The following YTHDC2 variants were observed in gnomAD, a reference collection of about 807,000 sequenced individuals.
The protein encoded by YTHDC2 is YTH N6-methyladenosine RNA binding protein C2.
YTHDC2 carries 45 observed loss-of-function variants against 174.9 expected under a neutral mutation model. That is an observed-to-expected ratio of 0.26 (90% CI 0.20 to 0.33). YTHDC2 has a LOEUF of 0.33. YTHDC2 is among the 10% of genes least tolerant of loss of function. The pLI is 1.00. For missense variants in YTHDC2, 1,650 were observed against 1,723.7 expected (o/e 0.96, Z 0.76); for synonymous variants, 657 against 574.5 (o/e 1.14, Z -2.05).
At chr5:113,522,976 G>T (rs1308587050) in intron 2 of YTHDC2, among the ~76,000 whole-genome samples, 3 of 151,696 alleles carry the variant, frequency 2.0e-5, no homozygotes, top group African/African-American at 4.8e-5. Context: ...TTATTATGAG[G>T]TTTTTTTTAA....
intron 2 of YTHDC2, chr5:113,517,551 G>T: frequency 2.2e-6 from 1 of 456,172 alleles, no homozygotes; most frequent in Middle Eastern, 3.3e-4. Flanking sequence ...TGGGGAATGC[G>T]GAAACATTGA....
At chr5:113,535,610 C>G in intron 6 of YTHDC2, 32 bp from the exon 7 acceptor site, 1 of 1,550,180 alleles carries the variant, frequency 6.5e-7, no homozygotes, top group Non-Finnish European at 8.7e-7. Flanking sequence ...AATGTTTTAA[C>G]TGTTCCATGG....
At chr5:113,535,587 C>T (rs1434277186) in intron 6 of YTHDC2, 55 bp from the exon 7 acceptor site, 3 of 1,461,790 alleles carry the variant, frequency 2.1e-6, no homozygotes, top group Non-Finnish European at 2.7e-6. Context: ...TTTTTAAAGA[C>T]TTAGTCATCA....
At position 113,535,718 on chromosome 5, in the gene YTHDC2, C is replaced by G. The variant is rs1377122887; in HGVS notation, c.1022C>G (p.Thr341Ser). Residue 341 changes from threonine to serine, a missense_variant, in exon 7 of 30, where the codon ACT becomes AGT. Physicochemically the swap from Thr to Ser is moderately conservative, Grantham distance 58 (BLOSUM62 1). This residue lies in a region of YTHDC2 where 411 missense variants were observed against 380.6 expected (regional missense o/e 1.08). Transcript: ENST00000161863. ...KLRDLLQKHP[T>S]LKLILSSAAL... ...AGAGATTTGTTGCAAAAGCACCCAA[C>G]TTTGAAACTAATTCTTTCTAGTGCT... 1.2e-6 allele frequency: 2 copies of G among 1,613,558 alleles called. No homozygotes were observed. The highest frequency in any genetic ancestry group is 2.7e-5 in the African/African-American group (2 of 74,896).
At position 113,564,251 on chromosome 5, in the gene YTHDC2, T is replaced by C. The variant is rs535261535; in HGVS notation, c.2715+120T>C. On this transcript the variant is annotated intron_variant, in intron 20 of 29. Transcript: ENST00000161863. The stretch of plus-strand genomic sequence containing the variant: ...AAATTGCATTAATTTTGTTTCATTA[T>C]GAAGTCACATTAATAGTCCTGAAAA... 7.1e-6 allele frequency: 8 copies of C among 1,122,058 alleles called. No individual in the cohort carries two copies. In the South Asian group the frequency reaches 1.3e-4, roughly 18 times the overall value. 69.5% of individuals were successfully genotyped at this position (1,122,058 alleles called of 1,614,324 possible). A position where few individuals can be genotyped will look rare whatever the true frequency, so the allele number is the denominator to read the frequency against.
chr5:113,593,486 C>A lies in YTHDC2; in HGVS notation c.*12C>A. The A allele has an allele frequency of 1.0e-6, 1 of 977,618 alleles. No homozygotes were observed. The allele number at this position is 977,618 out of a possible 1,614,324, so 60.6% of individuals were successfully genotyped here. On this transcript the variant is annotated 3_prime_UTR_variant, in exon 30 of 30. Coordinates refer to ENST00000161863, the MANE Select transcript of YTHDC2 (RefSeq NM_022828.5). ...TTTTTTTCCCCTTTCTTCTAGAACTCTTAGCTGTGGAAGAACATCATGCCT... is the reference window on the plus strand; with the variant it reads ...TTTTTTTCCCCTTTCTTCTAGAACTATTAGCTGTGGAAGAACATCATGCCT...
At chr5:113,588,586 A>T (rs184816859) in intron 26 of YTHDC2, among the ~76,000 whole-genome samples, 460 of 151,184 alleles carry the variant, frequency 3.0e-3, no homozygotes, top group Non-Finnish European at 5.0e-3. Flanking sequence ...GATAGAATTC[A>T]CTTATGAAGC....
At chr5:113,580,138 A>G (rs1778308422) in intron 24 of YTHDC2, among the ~76,000 whole-genome samples, 3 of 152,064 alleles carry the variant, frequency 2.0e-5, no homozygotes, top group Admixed American at 2.0e-4. Context: ...TTTTATAAGG[A>G]TACCTAATCC....
intron 7 of YTHDC2, among the ~76,000 whole-genome samples, chr5:113,538,241 C>T (rs911739080): frequency 2.6e-5 from 4 of 152,148 alleles, no homozygotes; most frequent in South Asian, 2.1e-4. Context: ...CTTGGCTTGA[C>T]GTAGCATTCT....
At chr5:113,572,030 T>A (rs1410536261) in intron 23 of YTHDC2, among the ~76,000 whole-genome samples, 1 of 152,214 alleles carries the variant, frequency 6.6e-6, no homozygotes, top group Non-Finnish European at 1.5e-5. Context: ...TTGTTTTCTC[T>A]TTGTTCTCTA....
intron 2 of YTHDC2, among the ~76,000 whole-genome samples, chr5:113,522,140 TG>T (rs375769098): frequency 8.4e-4 from 60 of 71,470 alleles, no homozygotes; most frequent in Non-Finnish European, 1.1e-3. Flanking sequence ...TTTTGTTTTT[TG>T]TTTTTTTTTT....
At chr5:113,519,400 C>A (rs1773707496) in intron 2 of YTHDC2, among the ~76,000 whole-genome samples, 1 of 152,154 alleles carries the variant, frequency 6.6e-6, no homozygotes, top group Non-Finnish European at 1.5e-5. Flanking sequence ...GCTCACTTTT[C>A]TAAGTCTTTG....
At chr5:113,530,578 T>C (rs6594729) in intron 4 of YTHDC2, among the ~76,000 whole-genome samples, 48,419 of 151,976 alleles carry the variant, frequency 0.32, 9,480 homozygotes, top group African/African-American at 0.54. Flanking sequence ...CCTTGTATCA[T>C]TGCTGTCATT....
intron 4 of YTHDC2, among the ~76,000 whole-genome samples, chr5:113,528,543 G>A (rs1012014621): frequency 2.0e-5 from 3 of 150,700 alleles, no homozygotes; most frequent in African/African-American, 4.9e-5. Flanking sequence ...TTTCTTTTGC[G>A]ACAGCGCTTC....
At chr5:113,575,970 A>G (rs80083604) in intron 23 of YTHDC2, among the ~76,000 whole-genome samples, 14 of 152,296 alleles carry the variant, frequency 9.2e-5, no homozygotes, top group East Asian at 1.9e-4. Flanking sequence ...GGAGGAGTCA[A>G]TTCTCAGATT....
At chr5:113,514,529 A>T (rs955142597) in intron 1 of YTHDC2, among the ~76,000 whole-genome samples, 4 of 152,224 alleles carry the variant, frequency 2.6e-5, no homozygotes, top group African/African-American at 9.6e-5. Flanking sequence ...CTACCCACTT[A>T]AATTAAACTT....
chr5:113,549,300 A>G (rs1776093679), intron 12 of YTHDC2, among the ~76,000 whole-genome samples: 2 of 152,206 alleles, frequency 1.3e-5, no homozygotes, highest in African/African-American at 4.8e-5. Flanking sequence ...CACTAAAATG[A>G]CAATGAAGCA....
chr5:113,568,681 A>G (rs953827250), intron 23 of YTHDC2, among the ~76,000 whole-genome samples: 16 of 152,200 alleles, frequency 1.1e-4, no homozygotes, highest in Non-Finnish European at 2.2e-4. Flanking sequence ...AACTTCAGCC[A>G]TGTCCCTGCA....
rs1778567600 is a variant in YTHDC2 at position 113,584,454 on chromosome 5, G to C, written c.3800G>C (p.Ser1267Thr). 2 of 1,612,552 alleles carry C rather than the reference G, an allele frequency of 1.2e-6. No homozygotes were observed. The highest frequency in any genetic ancestry group is 2.7e-5 in the African/African-American group (2 of 74,894). ...DSSSYPSPCA[S>T]PSPPSSGKGS... is the part of the protein sequence containing the mutation. Reference sequence around the variant, plus strand: ...AGTAGTTACCCAAGTCCTTGTGCTAGTCCTTCTCCTCCATCCTCAGGAAAG... The same window carrying C: ...AGTAGTTACCCAAGTCCTTGTGCTACTCCTTCTCCTCCATCCTCAGGAAAG... The change falls in exon 26 of 30, where the codon AGT (serine) becomes ACT (threonine). Residue 1267 changes from serine (S) to threonine (T), a missense_variant. Physicochemically the swap from Ser to Thr is moderately conservative, Grantham distance 58 (BLOSUM62 1). Around this residue, in one of 5 missense-constraint regions of YTHDC2, gnomAD observed 913 missense variants for 940.4 expected, o/e 0.97. Coordinates refer to ENST00000161863, the MANE Select transcript of YTHDC2 (RefSeq NM_022828.5).
Sources: gnomAD v4.1 joint callset for allele counts (sites outside exome capture counted in the v4.1 genomes callset) on GRCh38, gnomAD v4.1.1 for gene constraint, gnomAD v4.1.1 regional missense constraint, MANE v1.5 for transcripts, NCBI Gene and HGNC (gene_info 2026-07-23, HGNC 2026-07-21) for gene names.